Variants in CSMD1 observed in about 807,000 individuals in gnomAD.
The protein encoded by CSMD1 is CUB and sushi domain-containing protein 1.
In CSMD1, 213 loss-of-function variants were observed where a neutral mutation model predicts 417.5. The observed-to-expected ratio is 0.51, with a 90% confidence interval of 0.46 to 0.57. The LOEUF (loss-of-function observed/expected upper bound fraction) is 0.57, where lower values mean the gene tolerates loss of function less well. CSMD1 is among the 20% of genes least tolerant of loss of function. The pLI is 0.00. For missense variants in CSMD1, 6,923 were observed against 4,529.7 expected (o/e 1.53, Z -15.17); for synonymous variants, 2,862 against 1,736.8 (o/e 1.65, Z -16.11).
At chr8:4,194,574 A>G (rs1178594371) in intron 3 of CSMD1, among the ~76,000 whole-genome samples, 1 of 152,042 alleles carries the variant, frequency 6.6e-6, no homozygotes, top group African/African-American at 2.4e-5. Context: ...AAAGTACGCC[A>G]TTTTCTTTTG....
chr8:3,743,348 T>G (rs1203867134), intron 6 of CSMD1, among the ~76,000 whole-genome samples: 2 of 152,258 alleles, frequency 1.3e-5, no homozygotes, highest in South Asian at 2.1e-4. Context: ...CTGCTTTTGC[T>G]CTTTAGAAAA....
chr8:4,049,294 G>A (rs1258678252), intron 3 of CSMD1, among the ~76,000 whole-genome samples: 2 of 151,864 alleles, frequency 1.3e-5, no homozygotes, highest in African/African-American at 4.8e-5. Context: ...TTGTCTGGCT[G>A]TAGGACATTT....
At chr8:3,033,252 T>A (rs919931461) in intron 50 of CSMD1, among the ~76,000 whole-genome samples, 31 of 152,112 alleles carry the variant, frequency 2.0e-4, no homozygotes, top group African/African-American at 7.5e-4. Context: ...AAATTTCCTA[T>A]TAATATACCA....
chr8:4,153,534 T>A (rs943846374), intron 3 of CSMD1, among the ~76,000 whole-genome samples: 1 of 152,208 alleles, frequency 6.6e-6, no homozygotes, highest in Non-Finnish European at 1.5e-5. Context: ...CACCAGCTGG[T>A]CCCTCGTCAG....
chr8:4,251,003 C>A (rs531733610), intron 3 of CSMD1, among the ~76,000 whole-genome samples: 1 of 152,268 alleles, frequency 6.6e-6, no homozygotes, highest in African/African-American at 2.4e-5. Flanking sequence ...TCCTAAATCA[C>A]AGTTAATGAC....
At chr8:3,412,430 C>G (rs908371743) in intron 12 of CSMD1, among the ~76,000 whole-genome samples, 1 of 152,054 alleles carries the variant, frequency 6.6e-6, no homozygotes, top group Non-Finnish European at 1.5e-5. Context: ...GATATAGAAA[C>G]GTTCAGAGGT....
chr8:3,601,017 C>G (rs936652), intron 8 of CSMD1, among the ~76,000 whole-genome samples: 1 of 151,974 alleles, frequency 6.6e-6, no homozygotes, highest in African/African-American at 2.4e-5. Context: ...GTGCAAGAAT[C>G]AGCTATGATT....
At chr8:4,645,161 A>T (rs371492161) in intron 1 of CSMD1, among the ~76,000 whole-genome samples, 1 of 152,080 alleles carries the variant, frequency 6.6e-6, no homozygotes, top group African/African-American at 2.4e-5. Flanking sequence ...TTTTTCTCCT[A>T]CATGCTGTTC....
intron 5 of CSMD1, among the ~76,000 whole-genome samples, chr8:3,986,249 C>T (rs986024016): frequency 1.3e-5 from 2 of 152,100 alleles, no homozygotes; most frequent in Non-Finnish European, 1.5e-5. Context: ...TATAACTTCC[C>T]TCGCCTGGCT....
intron 26 of CSMD1, 70 bp downstream of exon 26, chr8:3,284,074 T>C (rs1281166409): frequency 1.6e-5 from 19 of 1,222,456 alleles, no homozygotes; most frequent in Non-Finnish European, 1.2e-5. Flanking sequence ...TGAATATAAA[T>C]GGAGGGAGAT....
intron 10 of CSMD1, among the ~76,000 whole-genome samples, chr8:3,555,459 C>G (rs1305687467): frequency 6.6e-6 from 1 of 152,142 alleles, no homozygotes; most frequent in East Asian, 1.9e-4. Flanking sequence ...CCTGGCAGGT[C>G]AGAAGGTGGA....
chr8:4,711,167 A>AC, intron 1 of CSMD1, among the ~76,000 whole-genome samples: 1 of 152,190 alleles, frequency 6.6e-6, no homozygotes, highest in South Asian at 2.1e-4. Context: ...ACAAAAAAAA[A>AC]AAACCATGAT....
chr8:3,642,533 G>T (rs1035366345), intron 7 of CSMD1, among the ~76,000 whole-genome samples: 1 of 152,126 alleles, frequency 6.6e-6, no homozygotes, highest in Non-Finnish European at 1.5e-5. Flanking sequence ...GTCTTCAAGT[G>T]TCTCCAAAGA....
intron 10 of CSMD1, among the ~76,000 whole-genome samples, chr8:3,547,422 TC>T (rs1798714074): frequency 6.6e-6 from 1 of 152,198 alleles, no homozygotes; most frequent in Non-Finnish European, 1.5e-5. Context: ...AAACACTACT[TC>T]TTGTACATAT....
At chr8:3,407,757 A>AT (rs1812444435) in intron 14 of CSMD1, 142 bp downstream of exon 14, 1 of 775,554 alleles carries the variant, frequency 1.3e-6, no homozygotes, top group East Asian at 2.7e-5. Flanking sequence ...TAACACTATA[A>AT]TTTTACTACT....
intron 5 of CSMD1, among the ~76,000 whole-genome samples, chr8:3,904,619 C>G (rs1466139668): frequency 6.7e-6 from 1 of 148,252 alleles, no homozygotes; most frequent in East Asian, 2.0e-4. Flanking sequence ...TTTTCTCTTT[C>G]TTTCTTTCTC....
intron 7 of CSMD1, among the ~76,000 whole-genome samples, chr8:3,665,108 A>C (rs6995469): frequency 6.6e-6 from 1 of 152,018 alleles, no homozygotes; most frequent in Non-Finnish European, 1.5e-5. Flanking sequence ...AATGCTTATA[A>C]TAAGAAAGTT....
At chr8:3,442,436 A>T (rs180878448) in intron 12 of CSMD1, among the ~76,000 whole-genome samples, 15 of 152,190 alleles carry the variant, frequency 9.9e-5, no homozygotes, top group African/African-American at 3.6e-4. Context: ...CAGATGTCCC[A>T]CTTTTTTATC....
At chr8:4,405,922 G>T (rs186757987) in intron 3 of CSMD1, among the ~76,000 whole-genome samples, 1 of 152,106 alleles carries the variant, frequency 6.6e-6, no homozygotes, top group South Asian at 2.1e-4. Flanking sequence ...GGAGCATCTC[G>T]TTTCCTTTAA....
Sources: allele counts gnomAD v4.1 joint callset (sites outside exome capture counted in the v4.1 genomes callset), GRCh38; gene constraint gnomAD v4.1.1; transcripts MANE v1.5; gene names NCBI Gene and HGNC (gene_info 2026-07-23, HGNC 2026-07-21).